ELOVL7: variants seen among roughly 807,000 people sequenced by gnomAD.
The protein encoded by ELOVL7 is ELOVL fatty acid elongase 7, also known as very long chain fatty acid elongase 7.
ELOVL7 carries 27 observed loss-of-function variants against 35.7 expected under a neutral mutation model. That is an observed-to-expected ratio of 0.76 (90% confidence interval 0.56 to 1.04). The LOEUF (loss-of-function observed/expected upper bound fraction) is 1.04. ELOVL7 is among the 50% of genes least tolerant of loss of function. The pLI is 0.00. For synonymous variants in ELOVL7, 113 were observed against 114.6 expected, an observed-to-expected ratio of 0.99 and a Z score of 0.09; for missense variants, 327 against 340.8, an observed-to-expected ratio of 0.96 and a Z score of 0.32.
At chr5:60,769,731 A>G (rs918729892) in intron 4 of ELOVL7, among the ~76,000 whole-genome samples, 1 of 152,166 alleles carries the variant, frequency 6.6e-6, no homozygotes, top group Non-Finnish European at 1.5e-5. Context: ...CTTTTTACAT[A>G]TATGTCTATA....
At chr5:60,831,389 T>C (rs569364335) in intron 1 of ELOVL7, among the ~76,000 whole-genome samples, 2 of 152,372 alleles carry the variant, frequency 1.3e-5, no homozygotes, top group South Asian at 2.1e-4. Flanking sequence ...ACTATGGTGC[T>C]ATAGGCCACC....
intron 1 of ELOVL7, chr5:60,802,737 C>G (rs1579876871): frequency 6.6e-6 from 1 of 152,164 alleles, no homozygotes; most frequent in East Asian, 1.9e-4. Flanking sequence ...TAAGCCTTGT[C>G]ATTTAGGCAA....
chr5:60,792,529 ATGACTCATCATGGGC>A (rs1743999574), intron 2 of ELOVL7, among the ~76,000 whole-genome samples: 1 of 152,190 alleles, frequency 6.6e-6, no homozygotes, highest in Non-Finnish European at 1.5e-5. Context: ...TTCTTTTACC[ATGACTCATCATGGGC>A]ACTTGATTGC....
At position 60,787,472 on chromosome 5, in the gene ELOVL7, A is replaced by G. The variant is rs188711928; in HGVS notation, c.-34-41T>C. On this transcript the variant is annotated intron_variant, in intron 2 of 8. Coordinates refer to ENST00000508821, the MANE Select transcript of ELOVL7 (RefSeq NM_024930.3). Reference sequence around the variant, plus strand: ...ACAGAAATGAGTTTATAATCTATAAATGCAAATAAAGTCAAGCTTATAGTA... The same window carrying G: ...ACAGAAATGAGTTTATAATCTATAAGTGCAAATAAAGTCAAGCTTATAGTA... The G allele has an allele frequency of 4.4e-4, 513 of 1,155,548 alleles. 2 individuals are homozygous for G. In the African/African-American group the frequency reaches 7.6e-3, roughly 17 times the overall value. 71.6% of individuals were successfully genotyped at this position (1,155,548 alleles called of 1,614,324 possible).
chr5:60,772,056 A>C lies in ELOVL7; in HGVS notation c.102T>G (p.Pro34=), dbSNP rs1174364832. The C allele has an allele frequency of 1.9e-6, 3 of 1,612,974 alleles. No individual in the cohort carries two copies. The highest frequency in any genetic ancestry group is 2.2e-5 in the South Asian group (2 of 90,912). ...RVEDWLLMSS[P]LPQTILLGFY... ...ATCCTAGGAGGATGGTTTGTGGCAG[A>C]GGCGAGGACATGAGGAGCCAATCTT... is the stretch of plus-strand genomic sequence containing the variant. The change falls in exon 4 of 9, where the codon CCT becomes CCG. Residue 34 remains proline (P), a synonymous_variant. Coordinates refer to ENST00000508821, the MANE Select transcript of ELOVL7 (RefSeq NM_024930.3).
At chr5:60,816,311 G>A (rs569979832) in intron 1 of ELOVL7, among the ~76,000 whole-genome samples, 3 of 152,060 alleles carry the variant, frequency 2.0e-5, no homozygotes, top group Middle Eastern at 3.4e-3. Context: ...TTCAGAGGAG[G>A]CGGAAGTTGC....
intron 1 of ELOVL7, among the ~76,000 whole-genome samples, chr5:60,800,357 C>A (rs1744531515): frequency 6.6e-6 from 1 of 152,142 alleles, no homozygotes; most frequent in African/African-American, 2.4e-5. Flanking sequence ...TGATATACCA[C>A]ATTAATAAAA....
chr5:60,835,352 C>G (rs1396230677), intron 1 of ELOVL7, among the ~76,000 whole-genome samples: 1 of 151,910 alleles, frequency 6.6e-6, no homozygotes, highest in Non-Finnish European at 1.5e-5. Context: ...AATAAAACAA[C>G]TACACACACT....
At chr5:60,776,011 G>T (rs112061805) in intron 3 of ELOVL7, among the ~76,000 whole-genome samples, 1 of 152,110 alleles carries the variant, frequency 6.6e-6, no homozygotes, top group Non-Finnish European at 1.5e-5. Flanking sequence ...AAGAGCTTTT[G>T]CACAGCAAAA....
At chr5:60,780,790 C>T (rs181566700) in intron 3 of ELOVL7, among the ~76,000 whole-genome samples, 7 of 152,216 alleles carry the variant, frequency 4.6e-5, no homozygotes, top group African/African-American at 1.2e-4. Flanking sequence ...GGGGGAACTG[C>T]GCCCATGATT....
chr5:60,805,346 G>T (rs951577799), intron 1 of ELOVL7, among the ~76,000 whole-genome samples: 1 of 152,186 alleles, frequency 6.6e-6, no homozygotes, highest in African/African-American at 2.4e-5. Context: ...CTACAACTTG[G>T]TAACATACAG....
intron 1 of ELOVL7, among the ~76,000 whole-genome samples, chr5:60,821,140 C>A (rs1054680997): frequency 6.6e-6 from 1 of 152,168 alleles, no homozygotes; most frequent in Non-Finnish European, 1.5e-5. Context: ...ACAAGGCCAC[C>A]AGAGTCATCT....
chr5:60,788,713 T>A (rs1021439467), intron 2 of ELOVL7, among the ~76,000 whole-genome samples: 1 of 152,078 alleles, frequency 6.6e-6, no homozygotes, highest in African/African-American at 2.4e-5. Flanking sequence ...AGGCAGAGGC[T>A]GCAGTGAGCA....
intron 6 of ELOVL7, among the ~76,000 whole-genome samples, chr5:60,764,884 A>G (rs1742143767): frequency 6.6e-6 from 1 of 152,182 alleles, no homozygotes; most frequent in African/African-American, 2.4e-5. Flanking sequence ...ATAGAAAAAA[A>G]ATGAGAAGGC....
At chr5:60,786,286 T>C (rs550832153) in intron 3 of ELOVL7, among the ~76,000 whole-genome samples, 13 of 152,330 alleles carry the variant, frequency 8.5e-5, no homozygotes, top group Middle Eastern at 3.4e-3. Context: ...ATTTTACTTT[T>C]GTTCTGCTTT....
chr5:60,820,043 T>C (rs1467853864), intron 1 of ELOVL7, among the ~76,000 whole-genome samples: 1 of 152,176 alleles, frequency 6.6e-6, no homozygotes, highest in Non-Finnish European at 1.5e-5. Flanking sequence ...ATTTGAAGCA[T>C]GAATATTCAG....
In ELOVL7 at chr5:60,757,511, G is replaced by A. The variant is rs748514510; in HGVS notation, c.634C>T (p.Leu212Phe). ...TTTAAAGACAATTAATTACTCACAA[G>A]CTGTAATGATGTCAAATATTTTTTC... ...WWKKYLTSLQ[L>F]VQFVIVAIHI... Residue 212 changes from leucine (L) to phenylalanine (F), a missense_variant and splice_region_variant, in exon 8 of 9, where the codon CTT (leucine) becomes TTT (phenylalanine). Transcript: ENST00000508821. 1.9e-6 allele frequency: 3 copies of A among 1,612,942 alleles called. No individual in the cohort carries two copies. In the South Asian group the frequency reaches 3.3e-5, roughly 18 times the overall value.
intron 7 of ELOVL7, among the ~76,000 whole-genome samples, 159 bp downstream of exon 7, chr5:60,764,068 T>C (rs1374685758): frequency 6.6e-6 from 1 of 152,200 alleles, no homozygotes; most frequent in African/African-American, 2.4e-5. Context: ...TTATGAGTCT[T>C]ATGTTTATTT....
chr5:60,836,142 C>CAT (rs150666593), intron 1 of ELOVL7, among the ~76,000 whole-genome samples: 61,603 of 151,084 alleles, frequency 0.41, 13,833 homozygotes, highest in East Asian at 0.84. Context: ...TATGTTCAAC[C>CAT]ATATATATAT....
Sources: gnomAD v4.1 joint callset for allele counts (sites outside exome capture counted in the v4.1 genomes callset) on GRCh38, gnomAD v4.1.1 for gene constraint, MANE v1.5 for transcripts, NCBI Gene and HGNC (gene_info 2026-07-23, HGNC 2026-07-21) for gene names.